The following TOGARAM2 variants were observed in gnomAD, a reference collection of about 807,000 sequenced individuals.
TOGARAM2 encodes the protein TOG array regulator of axonemal microtubules 2, also known as TOG array regulator of axonemal microtubules protein 2.
In TOGARAM2, 85 loss-of-function variants were observed where a neutral mutation model predicts 93.3. That is an observed-to-expected ratio of 0.91 (90% CI 0.76 to 1.09). The LOEUF is 1.09. Ranked by LOEUF, TOGARAM2 falls within the 50% of genes least tolerant of loss-of-function variation. The pLI, the probability that TOGARAM2 is intolerant of heterozygous loss-of-function variation, is 0.00. For missense variants in TOGARAM2, 1,277 were observed against 1,334.5 expected, an observed-to-expected ratio of 0.96 and a Z score of 0.67; for synonymous variants, 593 against 552.8, an observed-to-expected ratio of 1.07 and a Z score of -1.02.
chr2:28,983,468 G>A (rs1257777801), intron 1 of TOGARAM2, among the ~76,000 whole-genome samples: 3 of 151,936 alleles, frequency 2.0e-5, no homozygotes, highest in African/African-American at 4.8e-5. Context: ...CTGTGGCATC[G>A]TCCATAGTGT....
At chr2:29,017,341 G>T (rs776619466) in intron 9 of TOGARAM2, 37 bp downstream of exon 9, 12 of 1,526,722 alleles carry the variant, frequency 7.9e-6, no homozygotes, top group Non-Finnish European at 8.8e-7. Context: ...CTCAGGCCTG[G>T]GGAGCTGAGT....
chr2:28,964,585 C>A (rs1012306259), intron 1 of TOGARAM2, among the ~76,000 whole-genome samples: 1 of 151,932 alleles, frequency 6.6e-6, no homozygotes, highest in African/African-American at 2.4e-5. Context: ...AACCCATCAC[C>A]TAGATATTAA....
intron 14 of TOGARAM2, among the ~76,000 whole-genome samples, chr2:29,029,187 C>T (rs114227374): frequency 0.018 from 2,714 of 151,566 alleles, 76 homozygotes; most frequent in African/African-American, 0.061. Context: ...TGCAAAAATG[C>T]GAAAACAGCC....
intron 1 of TOGARAM2, among the ~76,000 whole-genome samples, chr2:28,967,495 C>T (rs941100420): frequency 4.6e-5 from 7 of 152,060 alleles, no homozygotes; most frequent in African/African-American, 1.7e-4. Flanking sequence ...ACAACAAGAA[C>T]AAAACAAAAT....
At chr2:29,047,969 T>A (rs1666844928) in intron 19 of TOGARAM2, 3 of 152,148 alleles carry the variant, frequency 2.0e-5, no homozygotes, top group Admixed American at 1.3e-4. Flanking sequence ...CTTGAGATAG[T>A]TCTCACTTTT....
At chr2:28,979,111 C>T (rs1043913189), upstream of TOGARAM2, among the ~76,000 whole-genome samples, 2 of 152,060 alleles carry the variant, frequency 1.3e-5, no homozygotes, top group African/African-American at 4.8e-5. Context: ...TGGCTGCCCT[C>T]CCCACCTGGA....
At chr2:29,047,135 C>G (rs1666792819) in intron 19 of TOGARAM2, 1 of 152,494 alleles carries the variant, frequency 6.6e-6, no homozygotes, top group South Asian at 2.1e-4. Context: ...TATGCAGGTT[C>G]TGTCCTTCCA....
intron 16 of TOGARAM2, among the ~76,000 whole-genome samples, chr2:29,034,824 G>A (rs1170187628): frequency 6.6e-6 from 1 of 152,146 alleles, no homozygotes; most frequent in African/African-American, 2.4e-5. Context: ...TGGCTGTGAT[G>A]ACCTCCAAGG....
At chr2:29,024,636 C>G (rs60643419) in intron 13 of TOGARAM2, among the ~76,000 whole-genome samples, 3,239 of 152,236 alleles carry the variant, frequency 0.021, 118 homozygotes, top group African/African-American at 0.075. Context: ...TTCCCTGTGC[C>G]GGGCATCCGG....
intron 1 of TOGARAM2, among the ~76,000 whole-genome samples, chr2:28,959,482 G>A (rs1345743372): frequency 1.3e-5 from 2 of 152,204 alleles, no homozygotes; most frequent in African/African-American, 2.4e-5. Flanking sequence ...GGCCGGGTGC[G>A]GTGGCTCATG....
chr2:28,996,179 T>C (rs537080319), intron 2 of TOGARAM2, among the ~76,000 whole-genome samples: 1 of 152,340 alleles, frequency 6.6e-6, no homozygotes, highest in Non-Finnish European at 1.5e-5. Flanking sequence ...GATACAGGCA[T>C]TCAATGAGTA....
chr2:29,018,704 A>G (rs985727683), intron 10 of TOGARAM2: 1 of 152,050 alleles, frequency 6.6e-6, no homozygotes, highest in Non-Finnish European at 1.5e-5. Flanking sequence ...AGAAAGTCTG[A>G]ATTTGGTGCT....
Position 29,022,271 on chromosome 2 carries a change from C to T in TOGARAM2, c.1474C>T (p.Leu492=), listed in dbSNP as rs776612415. The T allele has an allele frequency of 6.2e-7, 1 of 1,614,028 alleles. No individual in the cohort carries two copies. The highest frequency in any genetic ancestry group is 8.5e-7 in the Non-Finnish European group (1 of 1,179,906). The change falls in exon 11 of 20, where the codon CTG becomes TTG. Residue 492 remains leucine, a synonymous_variant. Coordinates refer to ENST00000379558, the MANE Select transcript of TOGARAM2 (RefSeq NM_199280.4). ...LRPFSNPELG[L]RDALQCLNSS... Reference sequence around the variant, plus strand: ...GCCTTTCTCGAACCCGGAGCTGGGGCTGAGGGATGCACTCCAGTGCCTCAA... The same window carrying T: ...GCCTTTCTCGAACCCGGAGCTGGGGTTGAGGGATGCACTCCAGTGCCTCAA...
At chr2:29,033,244 A>G (rs1665885509) in intron 15 of TOGARAM2, among the ~76,000 whole-genome samples, 193 bp downstream of exon 15, 1 of 152,086 alleles carries the variant, frequency 6.6e-6, no homozygotes, top group Non-Finnish European at 1.5e-5. Context: ...ACCTCACACT[A>G]CCCATGTTCC....
chr2:28,966,143 A>C (rs2148217460), intron 1 of TOGARAM2, among the ~76,000 whole-genome samples: 1 of 151,860 alleles, frequency 6.6e-6, no homozygotes, highest in African/African-American at 2.4e-5. Flanking sequence ...GGTGTGCGCC[A>C]CCACGCCTGG....
intron 4 of TOGARAM2, among the ~76,000 whole-genome samples, chr2:28,999,782 T>G (rs1673190443): frequency 6.6e-6 from 1 of 152,214 alleles, no homozygotes; most frequent in African/African-American, 2.4e-5. Context: ...AATCAGCCAG[T>G]AGGTTTTGGA....
chr2:29,034,857 A>G (rs1458696939), intron 16 of TOGARAM2, among the ~76,000 whole-genome samples: 1 of 152,186 alleles, frequency 6.6e-6, no homozygotes, highest in East Asian at 1.9e-4. Flanking sequence ...CTTACATTAA[A>G]TGTGCACCAG....
intron 13 of TOGARAM2, among the ~76,000 whole-genome samples, chr2:29,025,910 G>T (rs575669793): frequency 6.6e-6 from 1 of 152,304 alleles, no homozygotes; most frequent in East Asian, 1.9e-4. Flanking sequence ...AGGGCAGTGG[G>T]GTTGCCACAG....
chr2:29,020,321 G>A (rs566167670), intron 10 of TOGARAM2, among the ~76,000 whole-genome samples: 1 of 152,330 alleles, frequency 6.6e-6, no homozygotes, highest in African/African-American at 2.4e-5. Flanking sequence ...GGGGCAAGGA[G>A]GCAAGGAAGT....
Sources: gnomAD v4.1 joint callset for allele counts (sites outside exome capture counted in the v4.1 genomes callset) on GRCh38, gnomAD v4.1.1 for gene constraint, MANE v1.5 for transcripts, NCBI Gene and HGNC (gene_info 2026-07-23, HGNC 2026-07-21) for gene names.